Variants in LRCH3 observed in about 807,000 individuals in gnomAD.
LRCH3 encodes the protein DISP complex protein LRCH3.
In LRCH3, 68 loss-of-function variants were observed where a neutral mutation model predicts 104.5. That is an observed-to-expected ratio of 0.65 (90% confidence interval 0.54 to 0.80). LRCH3 has a LOEUF of 0.80. Ranked by LOEUF, LRCH3 falls within the 30% of genes least tolerant of loss-of-function variation. The probability of loss-of-function intolerance (pLI) is 0.00; values close to 1 mark genes in which losing one functional copy is unlikely to be tolerated. For synonymous variants in LRCH3, 344 were observed against 361.3 expected (o/e 0.95, Z 0.54); for missense variants, 951 against 953.9 (o/e 1.00, Z 0.04).
In LRCH3 at chr3:197,886,517, G is replaced by A. The variant is rs1410970366; in HGVS notation, c.*2851G>A. 1 of 152,124 alleles carries A rather than the reference G, an allele frequency of 6.6e-6. No homozygotes were observed. Among genetic ancestry groups the A allele is most frequent in the Non-Finnish European group, 1.5e-5 (1 of 68,040 alleles). 9.4% of individuals were successfully genotyped at this position (152,124 alleles called of 1,614,324 possible). A position where few individuals can be genotyped will look rare whatever the true frequency, so the allele number is the denominator to read the frequency against. On this transcript the variant is annotated 3_prime_UTR_variant, in exon 21 of 21. Coordinates refer to ENST00000425562, the MANE Select transcript of LRCH3 (RefSeq NM_001365715.1). ...CCATGTGCATTTTTAAACTGTGTTT[G>A]TCAACATTAAGCCTCAGTACAGTCT...
intron 14 of LRCH3, among the ~76,000 whole-genome samples, chr3:197,858,047 C>G (rs576089927): frequency 3.9e-5 from 6 of 152,064 alleles, no homozygotes; most frequent in Non-Finnish European, 8.8e-5. Flanking sequence ...TTTTTAAGCT[C>G]TTGGCATTTT....
chr3:197,874,116 G>C (rs1712577257), intron 19 of LRCH3, among the ~76,000 whole-genome samples: 1 of 151,434 alleles, frequency 6.6e-6, no homozygotes, highest in South Asian at 2.1e-4. Flanking sequence ...TTTTTTGGCT[G>C]TTCCTCCAAG....
intron 15 of LRCH3, among the ~76,000 whole-genome samples, chr3:197,862,946 TGA>T: frequency 6.6e-6 from 1 of 152,346 alleles, no homozygotes; most frequent in Middle Eastern, 3.4e-3. Flanking sequence ...TGTCTCCAAG[TGA>T]GTCTTGAGAA....
At chr3:197,853,126 T>C (rs1033332545) in intron 13 of LRCH3, among the ~76,000 whole-genome samples, 10 of 152,188 alleles carry the variant, frequency 6.6e-5, no homozygotes, top group African/African-American at 2.4e-4. Flanking sequence ...TTACTAAATG[T>C]TTTTCTTGTA....
At chr3:197,802,708 A>G (rs539805709) in intron 1 of LRCH3, among the ~76,000 whole-genome samples, 8 of 152,230 alleles carry the variant, frequency 5.3e-5, no homozygotes, top group East Asian at 1.9e-4. Context: ...TCATGATTCA[A>G]TCTCGGGAGG....
intron 17 of LRCH3, among the ~76,000 whole-genome samples, chr3:197,867,281 T>C (rs1741601684): frequency 6.6e-6 from 1 of 152,060 alleles, no homozygotes; most frequent in Non-Finnish European, 1.5e-5. Flanking sequence ...TGGCCAGGCA[T>C]GGTGGCAGGC....
rs997933110 is a variant in LRCH3 at position 197,875,726 on chromosome 3, G to A, written c.2159G>A (p.Arg720Gln). 6 of 1,534,824 alleles carry A rather than the reference G, an allele frequency of 3.9e-6. No homozygotes were observed. Among genetic ancestry groups the A allele is most frequent in the Admixed American group, 2.0e-5 (1 of 50,964 alleles). The change falls in exon 20 of 21, where the codon CGA becomes CAA. Residue 720 changes from arginine to glutamine, a missense_variant. Transcript: ENST00000425562. ...AAATTAACAATGGCGAAATGCAGGC[G>A]AAATGTGGAAAATTTCCTAGAAGCT... Reference protein sequence around the residue: ...VPKLTMAKCRRNVENFLEACR... With the variant: ...VPKLTMAKCRQNVENFLEACR...
At chr3:197,793,579 A>G in intron 1 of LRCH3, among the ~76,000 whole-genome samples, 1 of 152,230 alleles carries the variant, frequency 6.6e-6, no homozygotes, top group Non-Finnish European at 1.5e-5. Context: ...CAGTAGGTCT[A>G]GGAGCACCGT....
intron 4 of LRCH3, chr3:197,822,967 A>C (rs1580651904): frequency 6.7e-6 from 1 of 148,774 alleles, no homozygotes. Flanking sequence ...ACACCACCAC[A>C]CCCAGCTAAT....
At position 197,812,515 on chromosome 3, in the gene LRCH3, T is replaced by TTTTTTTTTTTTTG. The variant is rs1733276348; in HGVS notation, c.263-2381_263-2380insGTTTTTTTTTTTT. On this transcript the variant is annotated intron_variant, in intron 1 of 20. Coordinates refer to ENST00000425562, the MANE Select transcript of LRCH3 (RefSeq NM_001365715.1). ...AGTCTCTGCTTTCAGTTTTTTTTTTTTTTTTTTTTTTTTTTAGGTGGAGTC... is the reference window on the plus strand; with the variant it reads ...AGTCTCTGCTTTCAGTTTTTTTTTTTTTTTTTTTTTTTGTTTTTTTTTTTTTTTAGGTGGAGTC... Among the ~76,000 whole-genome samples the TTTTTTTTTTTTTG allele has an allele frequency of 1.5e-5, 2 of 132,850 alleles. 1 individual carries two copies. The highest frequency in any genetic ancestry group is 3.2e-5 in the Non-Finnish European group (2 of 62,134). The allele number at this position is 132,850 out of a possible 152,430, so 87.2% of individuals were successfully genotyped here.
At chr3:197,882,040 T>C in intron 20 of LRCH3, 5 of 985,486 alleles carry the variant, frequency 5.1e-6, no homozygotes, top group South Asian at 4.7e-5. Flanking sequence ...ATTTTTAAGA[T>C]GTCTCAGAGT....
At chr3:197,811,951 T>A (rs186573885) in intron 1 of LRCH3, among the ~76,000 whole-genome samples, 1 of 152,360 alleles carries the variant, frequency 6.6e-6, no homozygotes, top group East Asian at 1.9e-4. Context: ...ATTTTTAAGG[T>A]ACATGTCACT....
chr3:197,843,969 T>C (rs978738994), intron 10 of LRCH3, among the ~76,000 whole-genome samples: 4 of 152,144 alleles, frequency 2.6e-5, no homozygotes, highest in African/African-American at 9.7e-5. Flanking sequence ...TGCTAGGTGC[T>C]ATGAAGAAAA....
intron 19 of LRCH3, 97 bp downstream of exon 19, chr3:197,871,559 T>C (rs1712196538): frequency 6.6e-6 from 10 of 1,525,362 alleles, no homozygotes; most frequent in Non-Finnish European, 9.0e-6. Context: ...ATATTAAGGA[T>C]ACAGATATAA....
At chr3:197,808,803 C>T (rs1352074933) in intron 1 of LRCH3, among the ~76,000 whole-genome samples, 1 of 152,022 alleles carries the variant, frequency 6.6e-6, no homozygotes, top group Non-Finnish European at 1.5e-5. Flanking sequence ...ACCTGGAAGG[C>T]TGAGGTGGGA....
Position 197,883,634 on chromosome 3 carries a change from A to G in LRCH3, c.2302A>G (p.Lys768Glu). ...VQALLELAPP[K>E]QQQHQLSAV ...GGCTCTCCTGGAACTTGCCCCACCC[A>G]AGCAACAGCAGCACCAGTTATCTGC... The change falls in exon 21 of 21, where the codon AAG becomes GAG. Residue 768 changes from lysine to glutamate, a missense_variant. Coordinates refer to ENST00000425562, the MANE Select transcript of LRCH3 (RefSeq NM_001365715.1). The surrounding 1 kb of genome is among the most constrained non-coding windows in gnomAD (Gnocchi z 4.2). 1 of 1,536,046 alleles carries G rather than the reference A, an allele frequency of 6.5e-7. No homozygotes were observed. The highest frequency in any genetic ancestry group is 8.7e-7 in the Non-Finnish European group (1 of 1,146,884).
chr3:197,791,656 G>A, intron 1 of LRCH3, 116 bp downstream of exon 1: 3 of 1,222,040 alleles, frequency 2.5e-6, no homozygotes, highest in Non-Finnish European at 3.2e-6. Context: ...CGCCGGGTCC[G>A]GACCCGGGTA....
intron 4 of LRCH3, chr3:197,823,140 T>A (rs1425981770): frequency 2.0e-5 from 2 of 99,910 alleles, no homozygotes; most frequent in African/African-American, 6.6e-5. Context: ...TTTTTTTTTT[T>A]TGTATTTTTA....
chr3:197,800,115 G>T (rs867375680), intron 1 of LRCH3, among the ~76,000 whole-genome samples: 1 of 151,862 alleles, frequency 6.6e-6, no homozygotes, highest in African/African-American at 2.4e-5. Context: ...CTTGAACCCC[G>T]GTGGTGGAGG....
Sources: gnomAD v4.1 joint callset for allele counts (sites outside exome capture counted in the v4.1 genomes callset) on GRCh38, gnomAD v4.1.1 for gene constraint, Gnocchi (gnomAD v3.1) non-coding constraint, MANE v1.5 for transcripts, NCBI Gene and HGNC (gene_info 2026-07-23, HGNC 2026-07-21) for gene names.